KIDINS220: variants seen among roughly 807,000 people sequenced by gnomAD.
KIDINS220 encodes the protein kinase D interacting substrate 220.
KIDINS220 carries 63 observed loss-of-function variants against 157.6 expected under a neutral mutation model. The ratio of observed to expected loss-of-function variants is 0.40; its 90% CI spans 0.33 to 0.49. The LOEUF (loss-of-function observed/expected upper bound fraction) is 0.49, where lower values mean the gene tolerates loss of function less well. Among genes scored for constraint, KIDINS220 ranks in the 20% least tolerant of loss-of-function variants. KIDINS220 has a pLI of 0.66. For synonymous variants in KIDINS220, 732 were observed against 783.6 expected (o/e 0.93, Z 1.10); for missense variants, 1,772 against 2,171.2 (o/e 0.82, Z 3.65).
chr2:8,723,241 GACGGGGA>G (rs1206269285), downstream of KIDINS220: 1 of 152,304 alleles, frequency 6.6e-6, no homozygotes, highest in African/African-American at 2.4e-5. Context: ...GAAGTCTGTG[GACGGGGA>G]AGCCACATGC....
chr2:8,781,985 T>C (rs1442582408), intron 17 of KIDINS220, among the ~76,000 whole-genome samples: 2 of 151,908 alleles, frequency 1.3e-5, no homozygotes, highest in African/African-American at 4.8e-5. Flanking sequence ...TGGTGGCGTG[T>C]AGCCTGTGGT....
chr2:8,789,579 C>T (rs997914966), intron 14 of KIDINS220, among the ~76,000 whole-genome samples: 7 of 151,970 alleles, frequency 4.6e-5, no homozygotes, highest in South Asian at 2.1e-4. Context: ...TGAGAGCCAC[C>T]GCACCCGGCC....
rs749977475 is a variant in KIDINS220 at position 8,750,254 on chromosome 2, G to A, written c.3272C>T (p.Ala1091Val). Residue 1091 changes from alanine (A) to valine (V), a missense_variant, in exon 24 of 30, where the codon GCG (alanine) becomes GTG (valine). Ala to Val is a moderately conservative substitution (Grantham distance 64). This residue lies in a region of KIDINS220 where 793 missense variants were observed against 885.5 expected (regional missense o/e 0.90). Transcript: ENST00000256707. Reference sequence around the variant, plus strand: ...TGGGGGCTGGCTGTACCCTGATGGCGCCCTAGGAGGACCCTCATGTAGAGG... The same window carrying A: ...TGGGGGCTGGCTGTACCCTGATGGCACCCTAGGAGGACCCTCATGTAGAGG... ...PLPLHEGPPR[A>V]PSGYSQPPSV... is the part of the protein sequence containing the mutation. 26 of 1,613,878 alleles carry A rather than the reference G, an allele frequency of 1.6e-5. No individual in the cohort carries two copies. The highest frequency in any genetic ancestry group is 1.7e-4 in the Middle Eastern group (1 of 6,054).
chr2:8,836,029 G>T (rs1680336739), intron 1 of KIDINS220, among the ~76,000 whole-genome samples: 2 of 152,160 alleles, frequency 1.3e-5, no homozygotes, highest in East Asian at 3.9e-4. Context: ...AGAAATGAGG[G>T]ATATTAACTT....
chr2:8,812,759 CAT>C (rs1480792854), intron 5 of KIDINS220, among the ~76,000 whole-genome samples: 1 of 151,752 alleles, frequency 6.6e-6, no homozygotes, highest in Non-Finnish European at 1.5e-5. Context: ...CTTAAGTAAA[CAT>C]ATATTATGAA....
intron 17 of KIDINS220, among the ~76,000 whole-genome samples, chr2:8,780,800 A>C (rs1671613672): frequency 6.6e-6 from 1 of 152,048 alleles, no homozygotes; most frequent in South Asian, 2.1e-4. Context: ...ATGCTAAGAA[A>C]GGTGAGAAAA....
At chr2:8,734,589 TATAA>T (rs1451101578) in intron 28 of KIDINS220, 62 bp downstream of exon 28, 1 of 1,142,600 alleles carries the variant, frequency 8.8e-7, no homozygotes, top group African/African-American at 1.5e-5. Context: ...TCTACAATGT[TATAA>T]ATAATTTTGA....
At chr2:8,752,085 G>C (rs934767749) in intron 22 of KIDINS220, among the ~76,000 whole-genome samples, 5 of 151,668 alleles carry the variant, frequency 3.3e-5, no homozygotes, top group Non-Finnish European at 7.4e-5. Context: ...CAGTGGTGCA[G>C]TCTTGGCTCA....
At chr2:8,822,537 A>C (rs1678140527) in intron 2 of KIDINS220, among the ~76,000 whole-genome samples, 1 of 152,178 alleles carries the variant, frequency 6.6e-6, no homozygotes, top group East Asian at 1.9e-4. Context: ...CTGAGATGGA[A>C]GGATTGCTTA....
chr2:8,723,580 C>T (rs966520629), downstream of KIDINS220: 1 of 152,192 alleles, frequency 6.6e-6, no homozygotes, highest in African/African-American at 2.4e-5. Flanking sequence ...CATGCTTATT[C>T]TAGCTCAAGC....
At chr2:8,749,996 T>C (rs1667108218) in intron 24 of KIDINS220, 116 bp downstream of exon 24, 2 of 781,182 alleles carry the variant, frequency 2.6e-6, no homozygotes, top group Admixed American at 5.9e-5. Context: ...AACTTTACAT[T>C]TTTCCTATGC....
At chr2:8,798,496 T>C (rs1236608739) in intron 9 of KIDINS220, among the ~76,000 whole-genome samples, 196 bp from the exon 10 acceptor site, 2 of 152,220 alleles carry the variant, frequency 1.3e-5, no homozygotes, top group Admixed American at 1.3e-4. Context: ...TTCGTATTAC[T>C]TAACCTAAAA....
At chr2:8,750,625 A>T (rs1482399471) in intron 23 of KIDINS220, among the ~76,000 whole-genome samples, 2 of 152,192 alleles carry the variant, frequency 1.3e-5, no homozygotes, top group African/African-American at 2.4e-5. Context: ...CTCTTAAAGG[A>T]TTTAAGATAT....
chr2:8,804,494 A>C (rs1422189270), intron 7 of KIDINS220, among the ~76,000 whole-genome samples: 4 of 152,226 alleles, frequency 2.6e-5, no homozygotes, highest in African/African-American at 9.6e-5. Flanking sequence ...GGAATTAAAA[A>C]TTGCTAATCA....
intron 4 of KIDINS220, among the ~76,000 whole-genome samples, chr2:8,815,546 G>A (rs1238951233): frequency 6.6e-6 from 1 of 152,186 alleles, no homozygotes; most frequent in African/African-American, 2.4e-5. Context: ...GCATGCACCT[G>A]TAATCCCAGC....
chr2:8,767,485 G>A (rs192223785), intron 22 of KIDINS220, among the ~76,000 whole-genome samples: 187 of 152,292 alleles, frequency 1.2e-3, no homozygotes, highest in South Asian at 6.0e-3. Flanking sequence ...CAAAGGAGGT[G>A]AAGCAACAAC....
rs375009195 is a variant in KIDINS220 at position 8,781,516 on chromosome 2, T to C, written c.2230-1702A>G. Among the ~76,000 whole-genome samples the C allele has an allele frequency of 8.5e-5, 13 of 152,218 alleles. No individual in the cohort carries two copies. In the East Asian group the frequency reaches 1.9e-3, roughly 23 times the overall value. ...GCATTCACCAAGATGGACCACATTC[T>C]GAGCCATAAAACACGCCATAACAAA... On this transcript the variant is annotated intron_variant, in intron 17 of 29. Transcript: ENST00000256707.
chr2:8,734,573 T>G, intron 28 of KIDINS220, 82 bp downstream of exon 28: 1 of 1,002,414 alleles, frequency 1.0e-6, no homozygotes, highest in South Asian at 1.5e-5. Flanking sequence ...TTATTGATAC[T>G]GGTTTTCTAC....
At chr2:8,825,372 C>CA (rs369409976) in intron 2 of KIDINS220, among the ~76,000 whole-genome samples, 2 of 108,646 alleles carry the variant, frequency 1.8e-5, no homozygotes, top group African/African-American at 3.5e-5. Flanking sequence ...GACTCCGTCT[C>CA]AAAAAAAAAA....
Sources: allele counts gnomAD v4.1 joint callset (sites outside exome capture counted in the v4.1 genomes callset), GRCh38; gene constraint gnomAD v4.1.1; regional missense constraint gnomAD v4.1.1; transcripts MANE v1.5; gene names NCBI Gene and HGNC (gene_info 2026-07-23, HGNC 2026-07-21).